The following NHSL2 variants were observed in gnomAD, a reference collection of about 807,000 sequenced individuals.
NHSL2 encodes the protein NHS like 2, also known as NHS-like protein 2.
In NHSL2, 27 loss-of-function variants were observed where a neutral mutation model predicts 53.4. The observed-to-expected ratio is 0.51, with a 90% CI of 0.37 to 0.70. The LOEUF (loss-of-function observed/expected upper bound fraction) is 0.70, where lower values mean the gene tolerates loss of function less well. Among genes scored for constraint, NHSL2 ranks in the 30% least tolerant of loss-of-function variants. NHSL2 has a pLI of 0.00. For missense variants in NHSL2, 892 were observed against 980.1 expected (o/e 0.91, Z 1.20); for synonymous variants, 408 against 404.1 (o/e 1.01, Z -0.12).
chrX:71,963,980 T>TATATGTGTATATATATGTATATAC (rs2041882644), intron 1 of NHSL2, among the ~76,000 whole-genome samples: 1 of 54,428 alleles, frequency 1.8e-5, no homozygotes, highest in Non-Finnish European at 2.9e-5. Flanking sequence ...TATACATATA[T>TATATGTGTATATATATGTATATAC]ATATATATAT....
chrX:72,005,084 G>A (rs1314837819), intron 1 of NHSL2, among the ~76,000 whole-genome samples: 3 of 111,310 alleles, frequency 2.7e-5, no homozygotes, highest in Admixed American at 9.5e-5. Context: ...CAAGGGTAGC[G>A]CTCAGTAGGC....
intron 1 of NHSL2, among the ~76,000 whole-genome samples, chrX:71,930,452 C>T (rs1407974744): frequency 8.9e-6 from 1 of 112,533 alleles, no homozygotes; most frequent in African/African-American, 3.2e-5. Flanking sequence ...TGCCTTTTAG[C>T]ATGTTGGTGG....
At chrX:71,941,347 A>G (rs1018471544) in intron 1 of NHSL2, among the ~76,000 whole-genome samples, 3 of 111,668 alleles carry the variant, frequency 2.7e-5, no homozygotes, top group African/African-American at 9.8e-5. Context: ...TGGCCAACCT[A>G]TGGGTTTTCT....
chrX:72,010,781 C>G (rs1462205195), intron 1 of NHSL2, among the ~76,000 whole-genome samples: 1 of 112,066 alleles, frequency 8.9e-6, no homozygotes, highest in Non-Finnish European at 1.9e-5. Flanking sequence ...GTACCCTTCA[C>G]CCAGTTTTCC....
rs145556683 is a variant in NHSL2 at position 71,926,740 on chromosome X, G to A, written c.280+15373G>A. On this transcript the variant is annotated intron_variant, in intron 1 of 7. Transcript: ENST00000633930. ...ACTTTTAAAATGTGCCTCCTCAAATGGTGCTACTAAGTTCAGGGTGTGGGG... is the reference window on the plus strand; with the variant it reads ...ACTTTTAAAATGTGCCTCCTCAAATAGTGCTACTAAGTTCAGGGTGTGGGG... Among the ~76,000 whole-genome samples the A allele has an allele frequency of 5.0e-3, 558 of 111,457 alleles. 8 individuals carry two copies. In the East Asian group the frequency reaches 0.057, roughly 11 times the overall value.
At chrX:72,131,942 C>A in intron 1 of NHSL2, 137 bp from the exon 2 acceptor site, 2 of 580,310 alleles carry the variant, frequency 3.4e-6, no homozygotes, top group Non-Finnish European at 5.5e-6. Context: ...GGCGATTCCC[C>A]GCCTTTTAAG....
At chrX:72,087,106 A>G (rs1488718463) in intron 1 of NHSL2, among the ~76,000 whole-genome samples, 1 of 112,413 alleles carries the variant, frequency 8.9e-6, no homozygotes, top group Non-Finnish European at 1.9e-5. Context: ...GAAACAACCC[A>G]GATGTCCATT....
chrX:72,139,086 A>T lies in NHSL2; in HGVS notation c.1538A>T (p.Asp513Val). 1 of 1,169,856 alleles carries T rather than the reference A, an allele frequency of 8.5e-7. No individual in the cohort carries two copies. ...TCAGGCACCACAGATGTGGACTATG[A>T]TGAGGAGCAGAAGGCCAATGAGGCC... ...TDSGTTDVDY[D>V]EEQKANEACA... is the part of the protein sequence containing the mutation. Residue 513 changes from aspartate (D) to valine (V), a missense_variant, in exon 6 of 8, where the codon GAT (aspartate) becomes GTT (valine). Physicochemically the swap from Asp to Val is radical, Grantham distance 152 (BLOSUM62 -3). Transcript: ENST00000633930.
In NHSL2 at chrX:72,139,045, G is replaced by A. The variant is rs2042386024; in HGVS notation, c.1497G>A (p.Leu499=). 3.4e-6 allele frequency: 4 copies of A among 1,172,043 alleles called. No homozygotes were observed. Among genetic ancestry groups the A allele is most frequent in the Non-Finnish European group, 4.6e-6 (4 of 875,323 alleles). ...CCAGCAGATTCCGGGAGCGGTCACT[G>A]TCTGTGCCCACAGACTCAGGCACCA... The part of the protein sequence containing the change: ...GGASRFRERS[L]SVPTDSGTTD... Residue 499 remains leucine (L), a synonymous_variant, in exon 6 of 8, where the codon CTG becomes CTA. Coordinates refer to ENST00000633930, the MANE Select transcript of NHSL2 (RefSeq NM_001013627.3).
chrX:72,068,891 C>T (rs950545716), intron 1 of NHSL2, among the ~76,000 whole-genome samples: 1 of 111,930 alleles, frequency 8.9e-6, no homozygotes, highest in African/African-American at 3.3e-5. Context: ...GGTGGCCACA[C>T]TGGGCATTCT....
At chrX:72,111,413 A>AAAT (rs1003068634) in intron 1 of NHSL2, among the ~76,000 whole-genome samples, 25 of 112,794 alleles carry the variant, frequency 2.2e-4, no homozygotes, top group African/African-American at 7.7e-4. Flanking sequence ...TGGGAGGCTC[A>AAAT]AATAATAATA....
Position 71,961,055 on chromosome X carries a change from T to G in NHSL2, c.280+49688T>G, listed in dbSNP as rs768120752. ...ATTTATTTAGGCTTCTTTAATTTAT[T>G]TCAGCATTGTTTTGTAATTTTCAGT... On this transcript the variant is annotated intron_variant, in intron 1 of 7. Coordinates refer to ENST00000633930, the MANE Select transcript of NHSL2 (RefSeq NM_001013627.3). Among the ~76,000 whole-genome samples, 16 of 112,558 alleles carry G rather than the reference T, an allele frequency of 1.4e-4. No individual in the cohort carries two copies. The East Asian group carries it at 4.1e-3, about 29-fold the overall frequency.
chrX:72,136,993 A>G (rs1331445543), intron 4 of NHSL2, 101 bp from the exon 5 acceptor site: 18 of 735,937 alleles, frequency 2.4e-5, no homozygotes, highest in Non-Finnish European at 3.6e-5. Flanking sequence ...GATGCTATTC[A>G]TGCTTATCAC....
At chrX:71,912,345 G>C (rs1023767290) in intron 1 of NHSL2, among the ~76,000 whole-genome samples, 1 of 112,604 alleles carries the variant, frequency 8.9e-6, no homozygotes, top group Non-Finnish European at 1.9e-5. Context: ...ACTACAGCTG[G>C]GGCATGCCAG....
At position 72,119,328 on chromosome X, in the gene NHSL2, G is replaced by A. The variant is rs780177982; in HGVS notation, c.281-12751G>A. Among the ~76,000 whole-genome samples, 596 of 111,617 alleles carry A rather than the reference G, an allele frequency of 5.3e-3. 2 individuals are homozygous for A. Among genetic ancestry groups the A allele is most frequent in the Non-Finnish European group, 8.3e-3 (439 of 53,032 alleles). On this transcript the variant is annotated intron_variant, in intron 1 of 7. Coordinates refer to ENST00000633930, the MANE Select transcript of NHSL2 (RefSeq NM_001013627.3). The stretch of plus-strand genomic sequence containing the variant: ...ACAAAGAAATTGGAATTTTGATAGG[G>A]ATTGCATTGAATCTGTAGATCAATT...
At chrX:72,131,897 T>C (rs1296121853) in intron 1 of NHSL2, 182 bp from the exon 2 acceptor site, 13 of 421,406 alleles carry the variant, frequency 3.1e-5, no homozygotes, top group Non-Finnish European at 5.2e-5. Context: ...GGGAGCGGAC[T>C]GCGGCAGGAT....
chrX:71,961,616 C>A (rs893780267), intron 1 of NHSL2, among the ~76,000 whole-genome samples: 1 of 111,144 alleles, frequency 9.0e-6, no homozygotes. Context: ...CCATTGAATA[C>A]GATGTTAGCT....
intron 1 of NHSL2, among the ~76,000 whole-genome samples, chrX:71,949,202 T>C (rs953605109): frequency 9.0e-6 from 1 of 111,644 alleles, no homozygotes; most frequent in Admixed American, 9.5e-5. Flanking sequence ...AAAATGCTCT[T>C]ACTTGATCAA....
intron 1 of NHSL2, among the ~76,000 whole-genome samples, chrX:71,927,478 G>A (rs972850830): frequency 4.4e-5 from 5 of 112,478 alleles, no homozygotes; most frequent in African/African-American, 1.6e-4. Flanking sequence ...AGTTAGCATA[G>A]CAGTGAAGTG....
Sources: gnomAD v4.1 joint callset for allele counts (sites outside exome capture counted in the v4.1 genomes callset) on GRCh38, gnomAD v4.1.1 for gene constraint, MANE v1.5 for transcripts, NCBI Gene and HGNC (gene_info 2026-07-23, HGNC 2026-07-21) for gene names.